Variants in HIF3A observed in about 807,000 individuals in gnomAD.
HIF3A encodes the protein hypoxia-inducible factor 3-alpha.
In HIF3A, 41 loss-of-function variants were observed where a neutral mutation model predicts 67.2. That is an observed-to-expected ratio of 0.61 (90% confidence interval 0.48 to 0.79). The LOEUF (loss-of-function observed/expected upper bound fraction) is 0.79. Among genes scored for constraint, HIF3A ranks in the 30% least tolerant of loss-of-function variants. HIF3A has a pLI of 0.00. For missense variants in HIF3A, 855 were observed against 898.0 expected, an observed-to-expected ratio of 0.95 and a Z score of 0.61; for synonymous variants, 356 against 374.8, an observed-to-expected ratio of 0.95 and a Z score of 0.58.
In HIF3A at chr19:46,309,290, C is replaced by A; in HGVS notation, c.701C>A (p.Pro234His). The A allele has an allele frequency of 6.2e-7, 1 of 1,613,528 alleles. No individual in the cohort carries two copies. The change falls in exon 6 of 15, where the codon CCC (proline) becomes CAC (histidine). Residue 234 changes from proline to histidine, a missense_variant. Transcript: ENST00000377670. The part of the protein sequence containing the change: ...EAIPHPGSLE[P>H]PLGRGAFLSR... ...ATCCCCCACCCAGGCAGCCTGGAGC[C>A]CCCACTGGGCCGAGGGGCCTTCCTC...
At position 46,308,657 on chromosome 19, in the gene HIF3A, C is replaced by A; in HGVS notation, c.449-6C>A. On this transcript the variant is annotated splice_polypyrimidine_tract_variant and splice_region_variant and intron_variant, in intron 4 of 14. Transcript: ENST00000377670. ...TGACCTCCCCGCTGCCCCCGGGCCTCCCCAGCCCTGTCCAGGAGGAAGGTG... is the reference window on the plus strand; with the variant it reads ...TGACCTCCCCGCTGCCCCCGGGCCTACCCAGCCCTGTCCAGGAGGAAGGTG... 6.3e-7 allele frequency: 1 copy of A among 1,587,388 alleles called. No individual in the cohort carries two copies. Among genetic ancestry groups the A allele is most frequent in the South Asian group, 1.1e-5 (1 of 87,884 alleles).
intron 1 of HIF3A, among the ~76,000 whole-genome samples, chr19:46,300,604 T>C (rs1601179722): frequency 6.6e-6 from 1 of 152,116 alleles, no homozygotes; most frequent in South Asian, 2.1e-4. Context: ...GAGGTGACAG[T>C]GAGCCAAGAT....
chr19:46,325,294 G>A (rs563675588), intron 10 of HIF3A, among the ~76,000 whole-genome samples: 32 of 152,192 alleles, frequency 2.1e-4, no homozygotes, highest in African/African-American at 6.7e-4. Flanking sequence ...ACTGAGCCCA[G>A]CCAGGCTCTG....
intron 3 of HIF3A, among the ~76,000 whole-genome samples, chr19:46,307,939 TAGATAGATAGAC>T (rs936397653): frequency 2.6e-5 from 4 of 151,342 alleles, no homozygotes; most frequent in African/African-American, 9.7e-5. Flanking sequence ...TCTCAAAAAA[TAGATAGATAGAC>T]AGATAGGTAG....
chr19:46,335,076 G>A (rs1971510755), intron 14 of HIF3A, 90 bp downstream of exon 14: 1 of 968,726 alleles, frequency 1.0e-6, no homozygotes, highest in East Asian at 2.6e-5. Flanking sequence ...GGTGCTGGGG[G>A]ACTGTCAGTG....
At chr19:46,333,576 C>T (rs917666981) in intron 13 of HIF3A, among the ~76,000 whole-genome samples, 3 of 151,840 alleles carry the variant, frequency 2.0e-5, no homozygotes, top group South Asian at 2.1e-4. Flanking sequence ...TACAGGTCCT[C>T]GGGCGAAGGA....
In HIF3A at chr19:46,320,573, G is replaced by C; in HGVS notation, c.1144+12G>C. 1 of 1,601,748 alleles carries C rather than the reference G, an allele frequency of 6.2e-7. No homozygotes were observed. Among genetic ancestry groups the C allele is most frequent in the Non-Finnish European group, 8.6e-7 (1 of 1,169,280 alleles). ...TGGGGACAGCCTTGGTATGGGGCAGGGCTGGGGCCGGGAGGGGTTGTGTCC... is the reference window on the plus strand; with the variant it reads ...TGGGGACAGCCTTGGTATGGGGCAGCGCTGGGGCCGGGAGGGGTTGTGTCC... On this transcript the variant is annotated intron_variant, in intron 9 of 14. Transcript: ENST00000377670.
chr19:46,303,512 C>G (rs1968513417), intron 1 of HIF3A: 7 of 1,043,850 alleles, frequency 6.7e-6, no homozygotes, highest in Non-Finnish European at 2.8e-6. Context: ...GCCCTCCCTC[C>G]TCTGGCCCCT....
At chr19:46,324,931 C>T (rs1200365264) in intron 10 of HIF3A, among the ~76,000 whole-genome samples, 1 of 140,268 alleles carries the variant, frequency 7.1e-6, no homozygotes, top group Non-Finnish European at 1.5e-5. Context: ...TATATATACA[C>T]ATATATATAT....
chr19:46,312,011 G>A, intron 6 of HIF3A, 150 bp from the exon 7 acceptor site: 1 of 774,880 alleles, frequency 1.3e-6, no homozygotes, highest in Non-Finnish European at 2.4e-6. Context: ...CACTCCTCTT[G>A]TTCTGTTTCT....
At chr19:46,338,478 C>G (rs1234071269) in intron 14 of HIF3A, 1 of 1,137,760 alleles carries the variant, frequency 8.8e-7, no homozygotes. Flanking sequence ...GCTGGGATTA[C>G]TGGTATGAAC....
intron 13 of HIF3A, among the ~76,000 whole-genome samples, chr19:46,333,438 C>T (rs1971379702): frequency 1.3e-5 from 2 of 152,142 alleles, no homozygotes; most frequent in Non-Finnish European, 2.9e-5. Flanking sequence ...CTAATGAGGG[C>T]TGAAACCTTC....
intron 14 of HIF3A, chr19:46,338,504 T>G (rs139337785): frequency 8.7e-7 from 1 of 1,143,310 alleles, no homozygotes; most frequent in Non-Finnish European, 1.1e-6. Flanking sequence ...CGCCCGACAG[T>G]AAATATGTTT....
chr19:46,339,125 A>T (rs1002417196), intron 14 of HIF3A, among the ~76,000 whole-genome samples: 1 of 152,050 alleles, frequency 6.6e-6, no homozygotes, highest in Non-Finnish European at 1.5e-5. Context: ...TTCCTTATTT[A>T]AAAAAAGGAC....
intron 1 of HIF3A, among the ~76,000 whole-genome samples, chr19:46,299,786 A>G (rs1413368392): frequency 6.6e-6 from 1 of 151,748 alleles, no homozygotes; most frequent in Admixed American, 6.6e-5. Context: ...CCCCAGATCA[A>G]GATGAGGAGC....
At position 46,339,592 on chromosome 19, in the gene HIF3A, G is replaced by A. The variant is rs1363406249; in HGVS notation, c.1980G>A (p.Gln660=). The part of the protein sequence containing the change: ...EDTTQPGGPF[Q]PRAGSAQAD ...CTACCCAGCCCGGGGGCCCCTTCCAGCCAAGGGCAGGCTCAGCCCAGGCTG... is the reference window on the plus strand; with the variant it reads ...CTACCCAGCCCGGGGGCCCCTTCCAACCAAGGGCAGGCTCAGCCCAGGCTG... Residue 660 remains glutamine (Q), a synonymous_variant, in exon 15 of 15, where the codon CAG becomes CAA. Coordinates refer to ENST00000377670, the MANE Select transcript of HIF3A (RefSeq NM_152795.4). 6.2e-7 allele frequency: 1 copy of A among 1,608,638 alleles called. No homozygotes were observed. The highest frequency in any genetic ancestry group is 1.7e-5 in the Admixed American group (1 of 59,658).
intron 6 of HIF3A, among the ~76,000 whole-genome samples, chr19:46,310,211 C>A (rs947192743): frequency 2.0e-5 from 3 of 150,728 alleles, no homozygotes; most frequent in African/African-American, 7.3e-5. Context: ...GGCAACAGAA[C>A]AAGACTCCGT....
intron 1 of HIF3A, among the ~76,000 whole-genome samples, chr19:46,301,951 G>A (rs1968375850): frequency 6.6e-6 from 1 of 151,920 alleles, no homozygotes; most frequent in Admixed American, 6.6e-5. Context: ...GCACATAAAT[G>A]CTTAGCAAAT....
intron 8 of HIF3A, among the ~76,000 whole-genome samples, chr19:46,314,348 A>T (rs2147189876): frequency 6.9e-6 from 1 of 144,234 alleles, no homozygotes; most frequent in Non-Finnish European, 1.5e-5. Flanking sequence ...ACTCAACCGC[A>T]AAAAAAGAAA....
Sources: gnomAD v4.1 joint callset for allele counts (sites outside exome capture counted in the v4.1 genomes callset) on GRCh38, gnomAD v4.1.1 for gene constraint, MANE v1.5 for transcripts, NCBI Gene and HGNC (gene_info 2026-07-23, HGNC 2026-07-21) for gene names.